Variants in CDK13 observed in about 807,000 individuals in gnomAD.
CDK13 encodes the protein cyclin dependent kinase 13.
CDK13 carries 40 observed loss-of-function variants against 137.6 expected under a neutral mutation model. The ratio of observed to expected loss-of-function variants is 0.29; its 90% CI spans 0.23 to 0.38. CDK13 has a LOEUF of 0.38. Among genes scored for constraint, CDK13 ranks in the 10% least tolerant of loss-of-function variants. The pLI, the probability that CDK13 is intolerant of heterozygous loss-of-function variation, is 1.00. For synonymous variants in CDK13, 869 were observed against 760.1 expected, an observed-to-expected ratio of 1.14 and a Z score of -2.36; for missense variants, 1,704 against 1,951.8, an observed-to-expected ratio of 0.87 and a Z score of 2.39.
rs1022830037 is a variant in CDK13 at position 40,097,163 on chromosome 7, C to T, written c.*2183C>T. On this transcript the variant is annotated 3_prime_UTR_variant, in exon 14 of 14. Transcript: ENST00000181839. Reference sequence around the variant, plus strand: ...TGTTTGGATAGTTTTTCTAATCAAACATTTCAGTTATATATTTATGTTGGG... The same window carrying T: ...TGTTTGGATAGTTTTTCTAATCAAATATTTCAGTTATATATTTATGTTGGG... 6.6e-6 allele frequency: 1 copy of T among 151,952 alleles called. No homozygotes were observed. The highest frequency in any genetic ancestry group is 2.4e-5 in the African/African-American group (1 of 41,386). The allele number at this position is 151,952 out of a possible 1,614,324, so 9.4% of individuals were successfully genotyped here.
intron 9 of CDK13, among the ~76,000 whole-genome samples, chr7:40,065,147 A>G (rs938730955): frequency 1.3e-5 from 2 of 151,924 alleles, no homozygotes; most frequent in Non-Finnish European, 2.9e-5. Context: ...GGAAAAAAGA[A>G]ATATACCTTT....
intron 5 of CDK13, among the ~76,000 whole-genome samples, chr7:40,038,646 G>A (rs549939804): frequency 6.6e-6 from 1 of 152,240 alleles, no homozygotes; most frequent in African/African-American, 2.4e-5. Context: ...TCTACTTTTA[G>A]ATTTTTGTCA....
At chr7:40,022,376 G>C (rs1562733821) in intron 5 of CDK13, among the ~76,000 whole-genome samples, 1 of 152,118 alleles carries the variant, frequency 6.6e-6, no homozygotes, top group Non-Finnish European at 1.5e-5. Context: ...GAATAGTATA[G>C]GTTCCTTCTC....
intron 5 of CDK13, among the ~76,000 whole-genome samples, chr7:40,007,256 A>G (rs1370145920): frequency 2.0e-5 from 3 of 152,242 alleles, no homozygotes; most frequent in Non-Finnish European, 2.9e-5. Flanking sequence ...ACAGTATTCT[A>G]TAGCAAATGC....
At chr7:40,035,789 TC>T (rs981219695) in intron 5 of CDK13, among the ~76,000 whole-genome samples, 7 of 65,764 alleles carry the variant, frequency 1.1e-4, no homozygotes, top group African/African-American at 2.4e-4. Context: ...CGTCCCCCCA[TC>T]CCCCCATCCC....
At chr7:40,001,651 T>C (rs1417168960) in intron 4 of CDK13, among the ~76,000 whole-genome samples, 1 of 152,228 alleles carries the variant, frequency 6.6e-6, no homozygotes, top group Non-Finnish European at 1.5e-5. Context: ...TAGTATTCCC[T>C]GGTTTATGTA....
At chr7:40,014,011 A>G (rs1784950823) in intron 5 of CDK13, among the ~76,000 whole-genome samples, 2 of 148,238 alleles carry the variant, frequency 1.3e-5, no homozygotes, top group African/African-American at 5.0e-5. Flanking sequence ...CAGCATTTAT[A>G]GTAATTTTAT....
At chr7:40,058,816 G>A (rs1447080686) in intron 7 of CDK13, among the ~76,000 whole-genome samples, 1 of 152,098 alleles carries the variant, frequency 6.6e-6, no homozygotes, top group African/African-American at 2.4e-5. Flanking sequence ...TCTTTTGTAG[G>A]TTTGATAGAT....
chr7:40,031,828 GTTATTATTATTATTA>G (rs34654098), intron 5 of CDK13, among the ~76,000 whole-genome samples: 46 of 139,106 alleles, frequency 3.3e-4, no homozygotes, highest in East Asian at 3.0e-3. Flanking sequence ...TATTATTATT[GTTATTATTATTATTA>G]TTATTATTAT....
At chr7:40,063,521 A>C (rs1045713774) in intron 9 of CDK13, among the ~76,000 whole-genome samples, 2 of 152,170 alleles carry the variant, frequency 1.3e-5, no homozygotes, top group African/African-American at 4.8e-5. Flanking sequence ...GTGTCTATAT[A>C]TGTGTGTATA....
chr7:40,008,868 AT>A (rs1272459981), intron 5 of CDK13, among the ~76,000 whole-genome samples: 2 of 152,180 alleles, frequency 1.3e-5, no homozygotes, highest in Admixed American at 6.6e-5. Context: ...TGCGTTCTAC[AT>A]TTTATTTTTA....
chr7:40,057,623 A>G (rs1297577365), intron 7 of CDK13, among the ~76,000 whole-genome samples: 1 of 152,210 alleles, frequency 6.6e-6, no homozygotes, highest in Non-Finnish European at 1.5e-5. Flanking sequence ...TCTGCCACGA[A>G]TGGTGAGGCT....
chr7:40,029,907 C>T (rs903303733), intron 5 of CDK13, among the ~76,000 whole-genome samples: 1 of 152,132 alleles, frequency 6.6e-6, no homozygotes, highest in Non-Finnish European at 1.5e-5. Flanking sequence ...CTGCCTTGGC[C>T]TCCCAAAGTA....
rs1203537817 is a variant in CDK13, at chr7:40,021,808, A to AAATAT, written c.2353+19778_2353+19779insATATA. Among the ~76,000 whole-genome samples, 100 of 152,112 alleles carry AAATAT rather than the reference A, an allele frequency of 6.6e-4. 1 individual carries two copies. Among genetic ancestry groups the AAATAT allele is most frequent in the Non-Finnish European group, 7.8e-4 (53 of 67,882 alleles). The stretch of plus-strand genomic sequence containing the variant: ...AAGTTAGAATTTTTGTCATGCACTA[A>AAATAT]ATATGTGAAAAATAGCAACTAAAAT... On this transcript the variant is annotated intron_variant, in intron 5 of 13. Coordinates refer to ENST00000181839, the MANE Select transcript of CDK13 (RefSeq NM_003718.5).
chr7:40,012,195 A>G (rs1293618293), intron 5 of CDK13, among the ~76,000 whole-genome samples: 1 of 152,126 alleles, frequency 6.6e-6, no homozygotes, highest in East Asian at 1.9e-4. Context: ...TGGAACCCTT[A>G]CTCTTTGCTA....
At chr7:40,017,147 T>C (rs576802620) in intron 5 of CDK13, among the ~76,000 whole-genome samples, 1 of 152,248 alleles carries the variant, frequency 6.6e-6, no homozygotes, top group South Asian at 2.1e-4. Flanking sequence ...AAAACAGAGA[T>C]AGTATTCTGT....
In CDK13 at chr7:40,007,016, C is replaced by T. The variant is rs536537547; in HGVS notation, c.2353+4985C>T. Among the ~76,000 whole-genome samples the T allele has an allele frequency of 1.1e-4, 16 of 152,224 alleles. No individual in the cohort carries two copies. In the South Asian group the frequency reaches 2.7e-3, roughly 26 times the overall value. On this transcript the variant is annotated intron_variant, in intron 5 of 13. Coordinates refer to ENST00000181839, the MANE Select transcript of CDK13 (RefSeq NM_003718.5). ...ACAGTACTACACAGAGGGGTAGAAT[C>T]CTAAAACTATGAATCTGTGACCTTA...
At chr7:40,079,252 C>G (rs1481633990) in intron 11 of CDK13, among the ~76,000 whole-genome samples, 2 of 152,174 alleles carry the variant, frequency 1.3e-5, no homozygotes, top group African/African-American at 4.8e-5. Flanking sequence ...AACCCCGTCT[C>G]TACTAAAATT....
At chr7:39,984,801 C>G (rs773381) in intron 1 of CDK13, 8 of 151,828 alleles carry the variant, frequency 5.3e-5, no homozygotes, top group African/African-American at 1.7e-4. Flanking sequence ...TGGTGAAACC[C>G]TGTCTCTACT....
Sources: allele counts gnomAD v4.1 joint callset (sites outside exome capture counted in the v4.1 genomes callset), GRCh38; gene constraint gnomAD v4.1.1; transcripts MANE v1.5; gene names NCBI Gene and HGNC (gene_info 2026-07-23, HGNC 2026-07-21).